The following PDE4D variants were observed in gnomAD, a reference collection of about 807,000 sequenced individuals.
The protein encoded by PDE4D is 3',5'-cyclic-AMP phosphodiesterase 4D.
PDE4D carries 24 observed loss-of-function variants against 87.4 expected under a neutral mutation model. That is an observed-to-expected ratio of 0.27 (90% confidence interval 0.20 to 0.39). PDE4D has a LOEUF of 0.39. Among genes scored for constraint, PDE4D ranks in the 10% least tolerant of loss-of-function variants. PDE4D has a pLI of 1.00. For synonymous variants in PDE4D, 384 were observed against 383.2 expected (o/e 1.00, Z -0.02); for missense variants, 714 against 1,041.0 (o/e 0.69, Z 4.32).
intron 3 of PDE4D, among the ~76,000 whole-genome samples, chr5:59,976,348 T>G (rs1761329150): frequency 6.6e-6 from 1 of 152,202 alleles, no homozygotes; most frequent in African/African-American, 2.4e-5. Context: ...ATGGTGGGCC[T>G]AGTGGGAGAT....
At chr5:60,393,846 G>A (rs1182526556) in intron 1 of PDE4D, among the ~76,000 whole-genome samples, 7 of 152,158 alleles carry the variant, frequency 4.6e-5, no homozygotes, top group Non-Finnish European at 7.4e-5. Context: ...TTCTGGTGTG[G>A]AAGAAAATAG....
intron 2 of PDE4D, among the ~76,000 whole-genome samples, chr5:60,053,110 C>G (rs968865239): frequency 2.6e-5 from 4 of 152,188 alleles, no homozygotes; most frequent in Admixed American, 2.0e-4. Flanking sequence ...AATGCCCATA[C>G]TACCCAAAGT....
chr5:59,857,436 T>C (rs1189636364), intron 1 of PDE4D, among the ~76,000 whole-genome samples: 2 of 152,158 alleles, frequency 1.3e-5, no homozygotes, highest in African/African-American at 4.8e-5. Context: ...CAAAGACTCT[T>C]ATATTTTCAA....
intron 1 of PDE4D, among the ~76,000 whole-genome samples, chr5:60,231,059 A>G (rs995980893): frequency 6.6e-6 from 1 of 152,094 alleles, no homozygotes; most frequent in Non-Finnish European, 1.5e-5. Context: ...CACGCATAAA[A>G]GAAAAAGAAA....
chr5:59,704,610 G>C (rs1377931286), intron 1 of PDE4D, among the ~76,000 whole-genome samples: 1 of 152,158 alleles, frequency 6.6e-6, no homozygotes, highest in Non-Finnish European at 1.5e-5. Flanking sequence ...CCACTTATTG[G>C]ATTGCTTTGC....
At chr5:59,491,598 T>C (rs962221724) in intron 1 of PDE4D, among the ~76,000 whole-genome samples, 3 of 152,194 alleles carry the variant, frequency 2.0e-5, no homozygotes, top group Non-Finnish European at 2.9e-5. Flanking sequence ...TTATGCAAAA[T>C]TCAAGTATTT....
At chr5:60,192,109 A>C (rs977869421) in intron 1 of PDE4D, among the ~76,000 whole-genome samples, 1 of 152,206 alleles carries the variant, frequency 6.6e-6, no homozygotes, top group Non-Finnish European at 1.5e-5. Flanking sequence ...TATGTTAAAA[A>C]TTAGAGGTAT....
chr5:60,233,002 C>T (rs1017645007), intron 1 of PDE4D, among the ~76,000 whole-genome samples: 30 of 151,670 alleles, frequency 2.0e-4, no homozygotes, highest in African/African-American at 7.0e-4. Context: ...ATTAAATAAT[C>T]CCAATTATCC....
chr5:59,624,509 G>C (rs763814562), intron 1 of PDE4D, among the ~76,000 whole-genome samples: 2 of 152,178 alleles, frequency 1.3e-5, no homozygotes, highest in African/African-American at 2.4e-5. Flanking sequence ...AGCCATCAGG[G>C]AGGAGGCCAC....
At chr5:59,201,655 C>T (rs948094608) in intron 2 of PDE4D, among the ~76,000 whole-genome samples, 1 of 152,090 alleles carries the variant, frequency 6.6e-6, no homozygotes, top group Non-Finnish European at 1.5e-5. Flanking sequence ...TTGAAACTAG[C>T]TCCATTTAAG....
At chr5:60,041,228 G>A (rs1261383818) in intron 2 of PDE4D, among the ~76,000 whole-genome samples, 1 of 152,054 alleles carries the variant, frequency 6.6e-6, no homozygotes, top group Non-Finnish European at 1.5e-5. Context: ...GATAGTCACG[G>A]CTTGGCTGAT....
intron 1 of PDE4D, among the ~76,000 whole-genome samples, chr5:59,244,683 T>C (rs1450862628): frequency 7.4e-5 from 3 of 40,322 alleles, no homozygotes; most frequent in Non-Finnish European, 2.6e-4. Flanking sequence ...TGTGTGTCTG[T>C]GTGTGTGTGT....
intron 1 of PDE4D, among the ~76,000 whole-genome samples, chr5:60,204,818 T>G (rs1183624489): frequency 1.3e-5 from 2 of 152,112 alleles, no homozygotes; most frequent in Non-Finnish European, 2.9e-5. Context: ...TACCACTAAT[T>G]AGATGTGTAG....
intron 1 of PDE4D, among the ~76,000 whole-genome samples, chr5:59,545,203 T>C (rs562308505): frequency 2.6e-5 from 4 of 152,204 alleles, no homozygotes; most frequent in African/African-American, 7.2e-5. Context: ...CTCCATATTA[T>C]TCATCTTTTC....
In PDE4D at chr5:58,979,892, A is replaced by G. The variant is rs940128066; in HGVS notation, c.1553-2547T>C. 2.0e-5 allele frequency among the ~76,000 whole-genome samples: 3 copies of G among 152,176 alleles called. No homozygotes were observed. The South Asian group carries it at 6.2e-4, about 32-fold the overall frequency. ...CCTACTTAGAGACTTAAGCCCCTACAAAATATTAAAGGTTATTAATTTAAT... is the reference window on the plus strand; with the variant it reads ...CCTACTTAGAGACTTAAGCCCCTACGAAATATTAAAGGTTATTAATTTAAT... On this transcript the variant is annotated intron_variant, in intron 11 of 14. Transcript: ENST00000340635.
At chr5:60,143,245 T>C (rs78555101) in intron 2 of PDE4D, among the ~76,000 whole-genome samples, 1,622 of 152,312 alleles carry the variant, frequency 0.011, 32 homozygotes, top group East Asian at 0.047. Flanking sequence ...TCTGACATGT[T>C]TGCAAATAAT....
At chr5:60,485,885 C>T (rs1749098940) in intron 1 of PDE4D, among the ~76,000 whole-genome samples, 1 of 152,284 alleles carries the variant, frequency 6.6e-6, no homozygotes, top group South Asian at 2.1e-4. Flanking sequence ...CGATGCAAGA[C>T]GTAAATACTC....
chr5:59,237,957 C>T (rs1413635736), intron 1 of PDE4D, among the ~76,000 whole-genome samples: 1 of 152,092 alleles, frequency 6.6e-6, no homozygotes, highest in East Asian at 1.9e-4. Context: ...ATGCATAAGC[C>T]TACCTGTGGA....
intron 1 of PDE4D, among the ~76,000 whole-genome samples, chr5:59,629,215 GT>G (rs1406856157): frequency 5.3e-5 from 8 of 152,148 alleles, no homozygotes; most frequent in Admixed American, 1.3e-4. Flanking sequence ...TCTGAGTGTT[GT>G]TATGGGTTGT....
Sources: gnomAD v4.1 joint callset for allele counts (sites outside exome capture counted in the v4.1 genomes callset) on GRCh38, gnomAD v4.1.1 for gene constraint, MANE v1.5 for transcripts, NCBI Gene and HGNC (gene_info 2026-07-23, HGNC 2026-07-21) for gene names.